MDGA2: variants seen among roughly 807,000 people sequenced by gnomAD.
The protein encoded by MDGA2 is MAM domain containing glycosylphosphatidylinositol anchor 2.
A neutral mutation model predicts 117.8 loss-of-function variants in MDGA2; 40 were observed. The observed-to-expected ratio is 0.34, with a 90% CI of 0.26 to 0.44. MDGA2 has a LOEUF of 0.44. MDGA2 is among the 20% of genes least tolerant of loss of function. MDGA2 has a pLI of 1.00. For missense variants in MDGA2, 1,123 were observed against 1,250.6 expected, an observed-to-expected ratio of 0.90 and a Z score of 1.54; for synonymous variants, 452 against 439.0, an observed-to-expected ratio of 1.03 and a Z score of -0.37.
At chr14:47,121,086 A>G (rs997416005) in intron 5 of MDGA2, among the ~76,000 whole-genome samples, 1 of 152,034 alleles carries the variant, frequency 6.6e-6, no homozygotes, top group Admixed American at 6.6e-5. Flanking sequence ...GGGGGGAAAA[A>G]CTCACTCATT....
intron 1 of MDGA2, among the ~76,000 whole-genome samples, chr14:47,393,980 A>T (rs575035401): frequency 3.3e-5 from 5 of 152,148 alleles, no homozygotes; most frequent in Non-Finnish European, 5.9e-5. Flanking sequence ...TCAGAAGAAG[A>T]AGGACAATTA....
intron 3 of MDGA2, among the ~76,000 whole-genome samples, chr14:47,162,974 TA>T (rs1377316200): frequency 6.6e-6 from 1 of 152,254 alleles, no homozygotes; most frequent in Non-Finnish European, 1.5e-5. Context: ...GCCTTCTTTT[TA>T]TTTATTAACA....
intron 8 of MDGA2, among the ~76,000 whole-genome samples, chr14:46,972,316 A>G (rs1886301602): frequency 6.6e-6 from 1 of 152,180 alleles, no homozygotes; most frequent in Non-Finnish European, 1.5e-5. Context: ...ACTGCCAATC[A>G]AGTTTTTAAA....
intron 1 of MDGA2, among the ~76,000 whole-genome samples, chr14:47,440,512 T>C (rs117548752): frequency 4.6e-5 from 7 of 152,242 alleles, no homozygotes; most frequent in Non-Finnish European, 8.8e-5. Context: ...TTGTTAAACC[T>C]AGGATTGGCA....
chr14:47,079,033 GAAAAAA>G (rs755415080), intron 6 of MDGA2, among the ~76,000 whole-genome samples: 1 of 136,474 alleles, frequency 7.3e-6, no homozygotes, highest in African/African-American at 2.7e-5. Flanking sequence ...TAAGTGAGAT[GAAAAAA>G]AAAAAAGGAA....
chr14:47,072,137 G>C (rs1307740841), intron 6 of MDGA2, among the ~76,000 whole-genome samples: 1 of 145,634 alleles, frequency 6.9e-6, no homozygotes, highest in Non-Finnish European at 1.5e-5. Context: ...ATATGTTGCA[G>C]GTACATGAAA....
chr14:46,955,451 A>G (rs893669894), intron 9 of MDGA2, among the ~76,000 whole-genome samples: 1 of 152,146 alleles, frequency 6.6e-6, no homozygotes, highest in African/African-American at 2.4e-5. Flanking sequence ...TTAGTATTAT[A>G]GTTAATTATC....
intron 5 of MDGA2, among the ~76,000 whole-genome samples, chr14:47,102,579 A>G (rs1297381906): frequency 1.3e-5 from 2 of 152,180 alleles, no homozygotes; most frequent in Admixed American, 6.5e-5. Flanking sequence ...AGGAAGGAAG[A>G]AAAGCCAGTA....
At chr14:46,911,541 A>T (rs1001022393) in intron 10 of MDGA2, among the ~76,000 whole-genome samples, 2 of 152,358 alleles carry the variant, frequency 1.3e-5, no homozygotes, top group Non-Finnish European at 2.9e-5. Context: ...ATAATTTAAG[A>T]AACTTTAACT....
At chr14:47,462,124 C>A (rs910072185) in intron 1 of MDGA2, among the ~76,000 whole-genome samples, 1 of 152,020 alleles carries the variant, frequency 6.6e-6, no homozygotes, top group Non-Finnish European at 1.5e-5. Flanking sequence ...ACGCCTGTAA[C>A]CCCAGCACTT....
chr14:47,136,391 T>G (rs1882459374), intron 4 of MDGA2, among the ~76,000 whole-genome samples: 1 of 151,982 alleles, frequency 6.6e-6, no homozygotes, highest in Admixed American at 6.6e-5. Flanking sequence ...GAGACGGGAT[T>G]TCACCATATT....
chr14:47,342,426 C>G (rs889626575), intron 1 of MDGA2, among the ~76,000 whole-genome samples: 8 of 151,700 alleles, frequency 5.3e-5, no homozygotes, highest in Non-Finnish European at 1.2e-4. Context: ...AGGTTCATAG[C>G]TAGTGAATGG....
chr14:47,197,650 C>G (rs1396259363), intron 3 of MDGA2, among the ~76,000 whole-genome samples: 1 of 152,136 alleles, frequency 6.6e-6, no homozygotes, highest in Non-Finnish European at 1.5e-5. Context: ...GTGGTTTACG[C>G]CTGTAATCTC....
chr14:47,040,230 G>T (rs1323294657), intron 7 of MDGA2, among the ~76,000 whole-genome samples: 1 of 152,050 alleles, frequency 6.6e-6, no homozygotes, highest in Non-Finnish European at 1.5e-5. Context: ...GGGAAGAGGA[G>T]ACTTACATGG....
At chr14:47,479,786 T>C (rs922346766) in intron 1 of MDGA2, among the ~76,000 whole-genome samples, 9 of 152,142 alleles carry the variant, frequency 5.9e-5, no homozygotes, top group Non-Finnish European at 1.2e-4. Flanking sequence ...TAATTATTTA[T>C]AACATCTCCT....
intron 1 of MDGA2, among the ~76,000 whole-genome samples, chr14:47,408,488 T>C (rs1018669971): frequency 6.6e-6 from 1 of 152,214 alleles, no homozygotes; most frequent in African/African-American, 2.4e-5. Context: ...CTAAGAAAGA[T>C]TTAATGAGCA....
chr14:47,431,103 A>C (rs1892789328), intron 1 of MDGA2, among the ~76,000 whole-genome samples: 1 of 152,110 alleles, frequency 6.6e-6, no homozygotes, highest in African/African-American at 2.4e-5. Context: ...GTGATTGAAT[A>C]GGTTCATTCC....
intron 7 of MDGA2, among the ~76,000 whole-genome samples, chr14:47,040,063 A>G (rs1045267072): frequency 7.9e-5 from 12 of 152,174 alleles, no homozygotes; most frequent in African/African-American, 2.9e-4. Flanking sequence ...AAAATTTTCA[A>G]TGAATGTTAA....
chr14:47,537,905 A>G (rs1432077392), intron 1 of MDGA2, among the ~76,000 whole-genome samples: 1 of 152,214 alleles, frequency 6.6e-6, no homozygotes. Context: ...CAGACTTCCC[A>G]AGGACAACAT....
Sources: allele counts gnomAD v4.1 joint callset (sites outside exome capture counted in the v4.1 genomes callset), GRCh38; gene constraint gnomAD v4.1.1; transcripts MANE v1.5; gene names NCBI Gene and HGNC (gene_info 2026-07-23, HGNC 2026-07-21).